Variants in GRID2 observed in about 807,000 individuals in gnomAD.
GRID2 encodes glutamate ionotropic receptor delta type subunit 2.
In GRID2, 33 loss-of-function variants were observed where a neutral mutation model predicts 114.8. The ratio of observed to expected loss-of-function variants is 0.29; its 90% CI spans 0.22 to 0.38. GRID2 has a LOEUF of 0.38. Ranked by LOEUF, GRID2 falls within the 10% of genes least tolerant of loss-of-function variation. GRID2 has a pLI of 1.00. For missense variants in GRID2, 1,184 were observed against 1,257.7 expected, an observed-to-expected ratio of 0.94 and a Z score of 0.89; for synonymous variants, 505 against 449.9, an observed-to-expected ratio of 1.12 and a Z score of -1.55.
intron 2 of GRID2, among the ~76,000 whole-genome samples, chr4:93,024,338 C>T (rs1432881228): frequency 1.3e-5 from 2 of 151,528 alleles, no homozygotes; most frequent in Admixed American, 1.3e-4. Context: ...TATTGATTCT[C>T]AGAAGTTGTA....
At chr4:92,998,276 T>C (rs1488513082) in intron 2 of GRID2, among the ~76,000 whole-genome samples, 1 of 152,138 alleles carries the variant, frequency 6.6e-6, no homozygotes, top group East Asian at 1.9e-4. Context: ...TACCTTTTAT[T>C]GGCTTACAGT....
intron 2 of GRID2, among the ~76,000 whole-genome samples, chr4:93,070,592 A>AAGAT (rs1449524810): frequency 6.6e-6 from 1 of 152,106 alleles, no homozygotes; most frequent in Non-Finnish European, 1.5e-5. Context: ...TCACTGATTA[A>AAGAT]AGATAGAAGA....
At chr4:92,357,594 T>A (rs9884958) in intron 1 of GRID2, among the ~76,000 whole-genome samples, 28,213 of 151,608 alleles carry the variant, frequency 0.19, 3,792 homozygotes, top group African/African-American at 0.39. Context: ...TGTTATATAA[T>A]TTTCACATTA....
intron 2 of GRID2, among the ~76,000 whole-genome samples, chr4:93,009,872 A>C (rs1721944273): frequency 6.6e-6 from 1 of 152,058 alleles, no homozygotes; most frequent in Non-Finnish European, 1.5e-5. Flanking sequence ...CTGATTCTTC[A>C]AAGTCCTCCT....
chr4:92,643,457 C>T (rs1251375055), intron 2 of GRID2, among the ~76,000 whole-genome samples: 1 of 151,664 alleles, frequency 6.6e-6, no homozygotes, highest in African/African-American at 2.4e-5. Flanking sequence ...CAAAAGGCTG[C>T]TGGAACTTAT....
At chr4:93,282,858 G>A (rs752293156) in intron 8 of GRID2, among the ~76,000 whole-genome samples, 17 of 151,986 alleles carry the variant, frequency 1.1e-4, no homozygotes, top group Non-Finnish European at 2.4e-4. Context: ...AAGGCAAAGC[G>A]TGAACAGGCA....
At chr4:92,788,388 A>C (rs141012971) in intron 2 of GRID2, among the ~76,000 whole-genome samples, 1 of 152,054 alleles carries the variant, frequency 6.6e-6, no homozygotes, top group Non-Finnish European at 1.5e-5. Flanking sequence ...GAGAATTGAA[A>C]GAAATGGGAA....
intron 1 of GRID2, among the ~76,000 whole-genome samples, chr4:92,486,016 A>G (rs922393438): frequency 1.3e-5 from 2 of 151,992 alleles, no homozygotes; most frequent in Non-Finnish European, 2.9e-5. Flanking sequence ...AACTATGCTA[A>G]TGGGTTCTCA....
intron 2 of GRID2, among the ~76,000 whole-genome samples, chr4:92,973,068 T>C (rs1340350991): frequency 1.3e-5 from 2 of 152,170 alleles, no homozygotes; most frequent in African/African-American, 4.8e-5. Flanking sequence ...GCAATGAACA[T>C]ATGCGTGGAT....
chr4:93,239,399 T>TTCAG (rs1747217571), intron 8 of GRID2, among the ~76,000 whole-genome samples: 1 of 150,018 alleles, frequency 6.7e-6, no homozygotes, highest in Non-Finnish European at 1.5e-5. Flanking sequence ...CCTAACATAA[T>TTCAG]TGTGTACGCA....
intron 8 of GRID2, among the ~76,000 whole-genome samples, chr4:93,338,659 T>C (rs1233428960): frequency 6.6e-6 from 1 of 152,182 alleles, no homozygotes; most frequent in Non-Finnish European, 1.5e-5. Flanking sequence ...TGTGAGCTTG[T>C]TCAAGCTGGC....
chr4:92,663,995 C>T (rs1006014727), intron 2 of GRID2, among the ~76,000 whole-genome samples: 4 of 151,112 alleles, frequency 2.6e-5, no homozygotes, highest in East Asian at 3.9e-4. Context: ...AAGATGGAAT[C>T]GTATCCTCCA....
At chr4:93,237,094 A>T (rs907928202) in intron 7 of GRID2, among the ~76,000 whole-genome samples, 1 of 151,980 alleles carries the variant, frequency 6.6e-6, no homozygotes, top group Non-Finnish European at 1.5e-5. Flanking sequence ...AGCCTGGTTT[A>T]CACATCTAGT....
chr4:92,769,025 C>T (rs979732264), intron 2 of GRID2, among the ~76,000 whole-genome samples: 3 of 152,176 alleles, frequency 2.0e-5, no homozygotes, highest in African/African-American at 7.2e-5. Context: ...CAGAAGTCCA[C>T]AGTCAACATC....
At chr4:93,212,045 A>G (rs1401232855) in intron 5 of GRID2, among the ~76,000 whole-genome samples, 1 of 151,818 alleles carries the variant, frequency 6.6e-6, no homozygotes, top group African/African-American at 2.4e-5. Flanking sequence ...AATTTTCCCT[A>G]GTTTCTATAA....
chr4:92,648,820 A>T (rs191791929), intron 2 of GRID2, among the ~76,000 whole-genome samples: 1 of 148,286 alleles, frequency 6.7e-6, no homozygotes, highest in Non-Finnish European at 1.5e-5. Flanking sequence ...TTTATTCCAT[A>T]TTAATAAATG....
chr4:92,689,654 T>C (rs1344653547), intron 2 of GRID2, among the ~76,000 whole-genome samples: 1 of 152,166 alleles, frequency 6.6e-6, no homozygotes, highest in African/African-American at 2.4e-5. Flanking sequence ...ACAGTTTCAT[T>C]TCGAAACCAC....
At chr4:92,903,897 G>A (rs1747762628) in intron 2 of GRID2, among the ~76,000 whole-genome samples, 1 of 151,904 alleles carries the variant, frequency 6.6e-6, no homozygotes, top group Admixed American at 6.6e-5. Flanking sequence ...AACAATGGGA[G>A]GGTGTTGGAG....
At chr4:92,757,632 A>G (rs1737790491) in intron 2 of GRID2, among the ~76,000 whole-genome samples, 1 of 152,064 alleles carries the variant, frequency 6.6e-6, no homozygotes, top group African/African-American at 2.4e-5. Flanking sequence ...CTATGAAAAG[A>G]GTATGATAGA....
Sources: allele counts gnomAD v4.1 joint callset (sites outside exome capture counted in the v4.1 genomes callset), GRCh38; gene constraint gnomAD v4.1.1; transcripts MANE v1.5; gene names NCBI Gene and HGNC (gene_info 2026-07-23, HGNC 2026-07-21).